Variants in TRRAP observed in about 807,000 individuals in gnomAD.
TRRAP encodes the protein transformation/transcription domain-associated protein.
Under a neutral mutation model 438.8 loss-of-function variants are expected in TRRAP, and 41 were observed. That is an observed-to-expected ratio of 0.09 (90% CI 0.07 to 0.12). The LOEUF (loss-of-function observed/expected upper bound fraction) is 0.12. Ranked by LOEUF, TRRAP falls within the 10% of genes least tolerant of loss-of-function variation. The probability of loss-of-function intolerance (pLI) is 1.00; values close to 1 mark genes in which losing one functional copy is unlikely to be tolerated. For synonymous variants in TRRAP, 1,994 were observed against 1,962.9 expected (o/e 1.02, Z -0.42); for missense variants, 3,122 against 5,055.1 (o/e 0.62, Z 11.60).
chr7:98,961,771 T>A (rs966663374), intron 46 of TRRAP, among the ~76,000 whole-genome samples: 9 of 151,968 alleles, frequency 5.9e-5, no homozygotes, highest in Non-Finnish European at 1.2e-4. Context: ...AATACAAATT[T>A]AGCTGGGTGT....
chr7:99,005,373 T>C lies in TRRAP; in HGVS notation c.10753+25T>C. 6.2e-7 allele frequency: 1 copy of C among 1,610,700 alleles called. No homozygotes were observed. The highest frequency in any genetic ancestry group is 1.1e-5 in the South Asian group (1 of 90,922). ...GGTAGGGTTGAGAGCCACAGCTCGCTGGGTACACAGGCAGCTTCACAGGTG... is the reference window on the plus strand; with the variant it reads ...GGTAGGGTTGAGAGCCACAGCTCGCCGGGTACACAGGCAGCTTCACAGGTG... On this transcript the variant is annotated intron_variant, in intron 69 of 72. Transcript: ENST00000456197. The surrounding 1 kb of genome is among the most constrained non-coding windows in gnomAD (Gnocchi z 5.1).
chr7:98,880,653 A>T (rs1007214703), intron 1 of TRRAP, among the ~76,000 whole-genome samples: 1 of 152,174 alleles, frequency 6.6e-6, no homozygotes, highest in African/African-American at 2.4e-5. Context: ...ATGGTAAATG[A>T]GAGTTATATG....
At chr7:98,890,567 C>T (rs1795918866) in intron 4 of TRRAP, 122 bp downstream of exon 4, 25 of 707,884 alleles carry the variant, frequency 3.5e-5, no homozygotes, top group Non-Finnish European at 2.2e-6. Flanking sequence ...ATAAGGATAA[C>T]TTTGTTCAAG....
chr7:98,989,022 A>G (rs943494402), intron 63 of TRRAP, 56 bp downstream of exon 63: 6 of 1,558,580 alleles, frequency 3.8e-6, no homozygotes, highest in African/African-American at 1.4e-5. Context: ...TCAGATTTGG[A>G]CAGAAATTTA....
At chr7:98,946,605 T>G (rs1237904292) in intron 33 of TRRAP, among the ~76,000 whole-genome samples, 1 of 148,216 alleles carries the variant, frequency 6.7e-6, no homozygotes, top group African/African-American at 2.5e-5. Flanking sequence ...ACAACACATA[T>G]GCACACACAC....
chr7:98,957,307 C>G (rs943818163), intron 43 of TRRAP, among the ~76,000 whole-genome samples: 3 of 152,168 alleles, frequency 2.0e-5, no homozygotes, highest in Non-Finnish European at 4.4e-5. Context: ...CTTTTATTCC[C>G]TCTTTATTTT....
intron 28 of TRRAP, among the ~76,000 whole-genome samples, 200 bp from the exon 29 acceptor site, chr7:98,936,956 C>T (rs1323856385): frequency 2.6e-5 from 4 of 152,124 alleles, no homozygotes; most frequent in African/African-American, 7.2e-5. Context: ...CAGCCGGGGG[C>T]AGTGGCTCAC....
Position 99,011,815 on chromosome 7 carries a change from G to C in TRRAP, c.11338-256G>C, listed in dbSNP as rs1447252735. On this transcript the variant is annotated intron_variant, in intron 72 of 72. Transcript: ENST00000456197. The surrounding 1 kb of genome is among the most constrained non-coding windows in gnomAD (Gnocchi z 7.1). ...CAGATTGGGCCTCAGTCGCAGCATG[G>C]CTGCCTTTGTCATCTAGGTCCGCGC... Among the ~76,000 whole-genome samples the C allele has an allele frequency of 6.6e-6, 1 of 152,264 alleles. No individual in the cohort carries two copies. The highest frequency in any genetic ancestry group is 2.4e-5 in the African/African-American group (1 of 41,474).
chr7:98,980,627 A>G (rs1210074379), intron 58 of TRRAP, among the ~76,000 whole-genome samples: 1 of 152,218 alleles, frequency 6.6e-6, no homozygotes, highest in African/African-American at 2.4e-5. Flanking sequence ...GACATTTTAT[A>G]GTAGGCAAGA....
Position 99,012,366 on chromosome 7 carries a change from C to T in TRRAP, c.*11C>T, listed in dbSNP as rs537917095. 28 of 1,581,532 alleles carry T rather than the reference C, an allele frequency of 1.8e-5. No individual in the cohort carries two copies. The East Asian group carries it at 5.1e-4, about 29-fold the overall frequency. On this transcript the variant is annotated 3_prime_UTR_variant, in exon 73 of 73. Coordinates refer to ENST00000456197, the MANE Select transcript of TRRAP (RefSeq NM_001375524.1). The surrounding 1 kb of genome is among the most constrained non-coding windows in gnomAD (Gnocchi z 5.9). The stretch of plus-strand genomic sequence containing the variant: ...CACCCCTGGCTGTGACTGTGGCCGC[C>T]ACGGCCACCCGGAATGTGAAGGGCG...
Position 98,937,772 on chromosome 7 carries a change from G to A in TRRAP, c.4356G>A (p.Thr1452=), listed in dbSNP as rs781977251. Reference sequence around the variant, plus strand: ...TTGTGAATCGCCTGACTTCGGTCACGAGGCTCTTCCCAAATTCCTTCAATG... The same window carrying A: ...TTGTGAATCGCCTGACTTCGGTCACAAGGCTCTTCCCAAATTCCTTCAATG... ...LNVVNRLTSV[T]RLFPNSFNDK... is the part of the protein sequence containing the mutation. Residue 1452 remains threonine (T), a synonymous_variant, in exon 30 of 73, where the codon ACG becomes ACA. Transcript: ENST00000456197. 7.2e-5 allele frequency: 117 copies of A among 1,613,804 alleles called. No individual in the cohort carries two copies. Among genetic ancestry groups the A allele is most frequent in the Non-Finnish European group, 9.5e-5 (112 of 1,179,920 alleles).
At chr7:98,965,979 A>C in intron 49 of TRRAP, 84 bp downstream of exon 49, 1 of 1,493,574 alleles carries the variant, frequency 6.7e-7, no homozygotes. Context: ...CTGAAACTTG[A>C]AGCAAAACAT....
intron 31 of TRRAP, among the ~76,000 whole-genome samples, chr7:98,943,756 G>C (rs1300413758): frequency 3.3e-5 from 5 of 152,190 alleles, no homozygotes; most frequent in Non-Finnish European, 7.3e-5. Flanking sequence ...TGTCCTCGCA[G>C]TGGAATTGCC....
intron 61 of TRRAP, among the ~76,000 whole-genome samples, chr7:98,984,710 G>A (rs1009714724): frequency 6.6e-6 from 1 of 152,108 alleles, no homozygotes; most frequent in Admixed American, 6.5e-5. Flanking sequence ...ATAAAGCTTT[G>A]GAGAAAATAA....
intron 41 of TRRAP, among the ~76,000 whole-genome samples, chr7:98,955,856 T>G (rs1554419533): frequency 6.6e-6 from 1 of 151,980 alleles, no homozygotes; most frequent in African/African-American, 2.4e-5. Context: ...GTGATTAGAC[T>G]CACCTTCCTG....
intron 66 of TRRAP, 43 bp downstream of exon 66, chr7:98,993,780 G>T (rs1184513824): frequency 1.9e-6 from 3 of 1,593,880 alleles, no homozygotes; most frequent in African/African-American, 1.3e-5. Context: ...CTTGTAGAGG[G>T]GACGTGGTGT....
At chr7:98,967,781 A>G (rs1792223006) in intron 51 of TRRAP, 83 bp downstream of exon 51, 3 of 1,217,140 alleles carry the variant, frequency 2.5e-6, no homozygotes, top group Non-Finnish European at 3.5e-6. Flanking sequence ...AGGTGTTCAC[A>G]CACACTGAGA....
chr7:99,012,425 C>A lies in TRRAP; in HGVS notation c.*70C>A. 1 of 1,473,464 alleles carries A rather than the reference C, an allele frequency of 6.8e-7. No homozygotes were observed. The highest frequency in any genetic ancestry group is 1.4e-5 in the South Asian group (1 of 73,678). 91.3% of individuals were successfully genotyped at this position (1,473,464 alleles called of 1,614,324 possible). A position where few individuals can be genotyped will look rare whatever the true frequency, so the allele number is the denominator to read the frequency against. On this transcript the variant is annotated 3_prime_UTR_variant, in exon 73 of 73. Coordinates refer to ENST00000456197, the MANE Select transcript of TRRAP (RefSeq NM_001375524.1). This position sits in a 1 kb window ranked among gnomAD's most constrained non-coding sequence, Gnocchi z 5.9. The stretch of plus-strand genomic sequence containing the variant: ...TCTGAGCCCGCAGCTTTTACGACTT[C>A]TCCCTGCCTCGTTCCTTATATTCAC...
intron 50 of TRRAP, 140 bp downstream of exon 50, chr7:98,967,302 T>C: frequency 1.5e-6 from 2 of 1,329,246 alleles, no homozygotes; most frequent in Non-Finnish European, 2.1e-6. Context: ...TTGTGTGACC[T>C]ACTTTGGTGT....
Sources: allele counts gnomAD v4.1 joint callset (sites outside exome capture counted in the v4.1 genomes callset), GRCh38; gene constraint gnomAD v4.1.1; non-coding constraint Gnocchi (gnomAD v3.1); transcripts MANE v1.5; gene names NCBI Gene and HGNC (gene_info 2026-07-23, HGNC 2026-07-21).